The following CPED1 variants were observed in gnomAD, a reference collection of about 807,000 sequenced individuals.
CPED1 encodes the protein cadherin-like and PC-esterase domain-containing protein 1.
In CPED1, 114 loss-of-function variants were observed where a neutral mutation model predicts 128.2. The observed-to-expected ratio is 0.89, with a 90% CI of 0.76 to 1.04. The LOEUF is 1.04. CPED1 is among the 50% of genes least tolerant of loss of function. The pLI is 0.00. For synonymous variants in CPED1, 462 were observed against 426.7 expected (o/e 1.08, Z -1.02); for missense variants, 1,211 against 1,207.1 (o/e 1.00, Z -0.05).
chr7:120,998,823 T>C (rs1485593463), intron 2 of CPED1, among the ~76,000 whole-genome samples: 1 of 152,110 alleles, frequency 6.6e-6, no homozygotes, highest in Non-Finnish European at 1.5e-5. Context: ...CCTTTTTTTT[T>C]TTTTTAAAGT....
At chr7:120,998,286 A>G (rs1436591397) in intron 2 of CPED1, among the ~76,000 whole-genome samples, 3 of 152,370 alleles carry the variant, frequency 2.0e-5, no homozygotes, top group African/African-American at 4.8e-5. Flanking sequence ...AAATTTGGGA[A>G]GGCAGAATAG....
chr7:121,252,600 T>A (rs2116711474), intron 18 of CPED1, among the ~76,000 whole-genome samples: 1 of 151,942 alleles, frequency 6.6e-6, no homozygotes, highest in Non-Finnish European at 1.5e-5. Context: ...GAATCTACAA[T>A]GAACTCAAAC....
chr7:121,211,627 A>G (rs1410169534), intron 16 of CPED1, among the ~76,000 whole-genome samples: 3 of 143,776 alleles, frequency 2.1e-5, no homozygotes, highest in African/African-American at 7.7e-5. Flanking sequence ...GTTGAGAATC[A>G]ATGGCAGAAG....
intron 5 of CPED1, among the ~76,000 whole-genome samples, chr7:121,094,978 T>C (rs964110523): frequency 2.0e-5 from 3 of 152,290 alleles, no homozygotes; most frequent in Non-Finnish European, 4.4e-5. Flanking sequence ...CACATTTTAA[T>C]CTATTTTCCA....
At position 121,015,739 on chromosome 7, in the gene CPED1, C is replaced by T. The variant is rs774179164; in HGVS notation, c.324C>T (p.Ser108=). Residue 108 remains serine (S), a synonymous_variant, in exon 3 of 23, where the codon AGC becomes AGT. Transcript: ENST00000310396. ...RAILYRPPFY[S]KTELQLHQHI... Reference sequence around the variant, plus strand: ...TACTCTACAGGCCTCCTTTCTACAGCAAAACAGAGCTTCAGCTACACCAGC... The same window carrying T: ...TACTCTACAGGCCTCCTTTCTACAGTAAAACAGAGCTTCAGCTACACCAGC... 6.2e-7 allele frequency: 1 copy of T among 1,611,848 alleles called. No individual in the cohort carries two copies. The highest frequency in any genetic ancestry group is 1.1e-5 in the South Asian group (1 of 90,660).
At chr7:121,236,580 A>T in intron 16 of CPED1, 134 bp from the exon 17 acceptor site, 1 of 478,508 alleles carries the variant, frequency 2.1e-6, no homozygotes, top group African/African-American at 2.0e-5. Context: ...ATAAGCTAGC[A>T]GGGGAAAGAT....
intron 16 of CPED1, among the ~76,000 whole-genome samples, chr7:121,223,513 A>G (rs776905520): frequency 1.3e-5 from 2 of 152,048 alleles, no homozygotes; most frequent in Admixed American, 1.3e-4. Context: ...TATTGATTGG[A>G]GTAGTTTCAG....
intron 16 of CPED1, among the ~76,000 whole-genome samples, chr7:121,207,910 T>G (rs1039126094): frequency 2.6e-5 from 4 of 151,996 alleles, no homozygotes; most frequent in African/African-American, 9.7e-5. Context: ...CCCCCTCTAC[T>G]TCAGTGCTCA....
chr7:121,128,828 T>A (rs1255143240), intron 11 of CPED1, among the ~76,000 whole-genome samples: 2 of 152,172 alleles, frequency 1.3e-5, no homozygotes, highest in Non-Finnish European at 2.9e-5. Context: ...AAAAGTTATT[T>A]CTGCTTATTA....
chr7:121,205,843 C>A (rs1405099904), intron 16 of CPED1, among the ~76,000 whole-genome samples: 1 of 151,984 alleles, frequency 6.6e-6, no homozygotes, highest in Non-Finnish European at 1.5e-5. Context: ...GGATTGGAAG[C>A]AAGTAGAAAG....
At chr7:121,107,261 A>G (rs557464555) in intron 7 of CPED1, among the ~76,000 whole-genome samples, 4 of 152,160 alleles carry the variant, frequency 2.6e-5, no homozygotes, top group Non-Finnish European at 5.9e-5. Flanking sequence ...GACTTTAACA[A>G]CAAGGCTTAA....
At chr7:121,129,195 G>A (rs1478344449) in intron 11 of CPED1, among the ~76,000 whole-genome samples, 1 of 149,506 alleles carries the variant, frequency 6.7e-6, no homozygotes, top group East Asian at 2.0e-4. Context: ...TTTTGAAATA[G>A]CATTCTTAAT....
At chr7:121,007,174 C>T (rs755928898) in intron 2 of CPED1, among the ~76,000 whole-genome samples, 1 of 151,958 alleles carries the variant, frequency 6.6e-6, no homozygotes, top group Non-Finnish European at 1.5e-5. Flanking sequence ...CGAAGCTATA[C>T]CCAGCATGAT....
Position 121,124,423 on chromosome 7 carries a change from G to C in CPED1, c.1011G>C (p.Ala337=), listed in dbSNP as rs1524498. 0.46 allele frequency: 737,103 copies of C among 1,600,604 alleles called. 177,458 individuals are homozygous for C. The highest frequency in any genetic ancestry group is 0.85 in the East Asian group (37,451 of 44,266). The change falls in exon 8 of 23, where the codon GCG becomes GCC. Residue 337 remains alanine (A), a synonymous_variant. Transcript: ENST00000310396. ...MKEAIGKLLL[A]AEVFSETSTL... ...AAGCAATTGGCAAACTACTGCTAGCGGCTGAAGTATTCAGTGAAACATCTA... is the reference window on the plus strand; with the variant it reads ...AAGCAATTGGCAAACTACTGCTAGCCGCTGAAGTATTCAGTGAAACATCTA...
chr7:121,279,456 G>A (rs114097745), intron 22 of CPED1, among the ~76,000 whole-genome samples: 1,633 of 132,556 alleles, frequency 0.012, 33 homozygotes, highest in African/African-American at 0.044. Flanking sequence ...CCCACCCCCC[G>A]CCACAAAGAA....
At chr7:121,208,479 A>C (rs1797570821) in intron 16 of CPED1, among the ~76,000 whole-genome samples, 2 of 152,040 alleles carry the variant, frequency 1.3e-5, no homozygotes, top group Non-Finnish European at 2.9e-5. Flanking sequence ...GGTTCTTTAC[A>C]TGTATCCCTT....
intron 3 of CPED1, among the ~76,000 whole-genome samples, chr7:121,028,444 T>C (rs147646903): frequency 3.2e-4 from 48 of 152,320 alleles, no homozygotes; most frequent in African/African-American, 1.1e-3. Context: ...CACACTGAAT[T>C]TGCGCAGACG....
chr7:121,286,022 C>T (rs939153958), intron 22 of CPED1, among the ~76,000 whole-genome samples: 1 of 152,182 alleles, frequency 6.6e-6, no homozygotes, highest in African/African-American at 2.4e-5. Flanking sequence ...AATTGACTCA[C>T]AGTTCAGCAT....
chr7:121,094,211 TAAG>T (rs1373180997), intron 5 of CPED1, among the ~76,000 whole-genome samples: 2 of 152,152 alleles, frequency 1.3e-5, no homozygotes, highest in African/African-American at 2.4e-5. Flanking sequence ...AATTTTAAAA[TAAG>T]AAAATGCTGG....
Sources: gnomAD v4.1 joint callset for allele counts (sites outside exome capture counted in the v4.1 genomes callset) on GRCh38, gnomAD v4.1.1 for gene constraint, MANE v1.5 for transcripts, NCBI Gene and HGNC (gene_info 2026-07-23, HGNC 2026-07-21) for gene names.